The following PRIM2 variants were observed in gnomAD, a reference collection of about 807,000 sequenced individuals.
The protein encoded by PRIM2 is DNA primase large subunit.
A neutral mutation model predicts 67.3 loss-of-function variants in PRIM2; 39 were observed. The observed-to-expected ratio is 0.58, with a 90% CI of 0.45 to 0.76. The LOEUF (loss-of-function observed/expected upper bound fraction) is 0.76. Among genes scored for constraint, PRIM2 ranks in the 30% least tolerant of loss-of-function variants. PRIM2 has a pLI of 0.00. For synonymous variants in PRIM2, 143 were observed against 198.7 expected, an observed-to-expected ratio of 0.72 and a Z score of 2.36; for missense variants, 398 against 598.7, an observed-to-expected ratio of 0.66 and a Z score of 3.50.
the PRIM2 span, among the ~76,000 whole-genome samples, chr6:57,277,870 G>C: frequency 6.6e-6 from 1 of 151,950 alleles, no homozygotes; most frequent in African/African-American, 2.4e-5. Flanking sequence ...TGTAGTCCCA[G>C]CTACTCAGGA....
At chr6:57,340,097 A>T (rs1270876928) in intron 5 of PRIM2, among the ~76,000 whole-genome samples, 1 of 152,220 alleles carries the variant, frequency 6.6e-6, no homozygotes, top group African/African-American at 2.4e-5. Flanking sequence ...CAAAAAACAC[A>T]TGAAAAAATG....
chr6:57,310,058 A>G (rs1042215073), upstream of PRIM2, among the ~76,000 whole-genome samples: 3 of 152,134 alleles, frequency 2.0e-5, no homozygotes, highest in Non-Finnish European at 4.4e-5. Context: ...ACAAAGGGCT[A>G]ATATCCAGAA....
chr6:57,311,771 A>C (rs1361469768), upstream of PRIM2, among the ~76,000 whole-genome samples: 1 of 152,100 alleles, frequency 6.6e-6, no homozygotes, highest in East Asian at 1.9e-4. Context: ...CTCCGTCTGC[A>C]ATCCCAGCAC....
chr6:57,399,913 G>T (rs1426958384), intron 7 of PRIM2, among the ~76,000 whole-genome samples: 2 of 152,112 alleles, frequency 1.3e-5, no homozygotes, highest in African/African-American at 4.8e-5. Context: ...TTGTAAATTT[G>T]TTTGAGTTCA....
rs866239338 is a variant in PRIM2, at chr6:57,368,630, C to T, written c.460-11271C>T. ...TACAACATATATTTTTAGTCTCATCCGTTCCACATTTTGGGGATGGGTATG... is the reference window on the plus strand; with the variant it reads ...TACAACATATATTTTTAGTCTCATCTGTTCCACATTTTGGGGATGGGTATG... On this transcript the variant is annotated intron_variant, in intron 5 of 13. Transcript: ENST00000615550. Among the ~76,000 whole-genome samples, 24 of 152,160 alleles carry T rather than the reference C, an allele frequency of 1.6e-4. No individual in the cohort carries two copies. In the Middle Eastern group the frequency reaches 0.01, roughly 65 times the overall value.
At chr6:57,242,682 TAGTAAC>T in the PRIM2 span, among the ~76,000 whole-genome samples, 1 of 152,198 alleles carries the variant, frequency 6.6e-6, no homozygotes, top group Non-Finnish European at 1.5e-5. Context: ...AGAGGAAGAT[TAGTAAC>T]ATATCATGTG....
chr6:57,290,515 T>C, the PRIM2 span, among the ~76,000 whole-genome samples: 10 of 152,200 alleles, frequency 6.6e-5, no homozygotes, highest in Non-Finnish European at 1.3e-4. Context: ...CTAATAGACA[T>C]CTGTAGAACT....
intron 10 of PRIM2, among the ~76,000 whole-genome samples, chr6:57,545,937 A>G (rs1305616180): frequency 4.6e-4 from 70 of 152,198 alleles, no homozygotes; most frequent in South Asian, 8.3e-4. Flanking sequence ...CTGGAGACAT[A>G]GATCTTTTAG....
chr6:57,338,779 C>T (rs1768364340), intron 5 of PRIM2, among the ~76,000 whole-genome samples: 1 of 132,866 alleles, frequency 7.5e-6, no homozygotes. Flanking sequence ...GAAGCATTCC[C>T]TTTGAAAACT....
upstream of PRIM2, among the ~76,000 whole-genome samples, chr6:57,313,848 CACTT>C (rs761496293): frequency 1.5e-4 from 23 of 152,346 alleles, no homozygotes; most frequent in Non-Finnish European, 2.2e-4. Flanking sequence ...AATGAACACT[CACTT>C]AGATTTACCA....
At chr6:57,326,575 G>A (rs1767867064) in intron 5 of PRIM2, among the ~76,000 whole-genome samples, 2 of 151,994 alleles carry the variant, frequency 1.3e-5, no homozygotes, top group African/African-American at 4.8e-5. Context: ...ACAAAAATTA[G>A]CCAGGCATGG....
At chr6:57,553,586 CT>C (rs1364369743) in intron 10 of PRIM2, among the ~76,000 whole-genome samples, 1 of 151,458 alleles carries the variant, frequency 6.6e-6, no homozygotes, top group African/African-American at 2.4e-5. Context: ...AAGGTGGACT[CT>C]TTTTTTTGCC....
At chr6:57,465,463 G>A (rs1237399253) in intron 7 of PRIM2, among the ~76,000 whole-genome samples, 1 of 152,144 alleles carries the variant, frequency 6.6e-6, no homozygotes, top group Non-Finnish European at 1.5e-5. Flanking sequence ...AGACTCTAGG[G>A]TTGTGGTTTC....
chr6:57,626,431 T>G (rs1462326212), intron 12 of PRIM2, among the ~76,000 whole-genome samples: 3 of 152,146 alleles, frequency 2.0e-5, no homozygotes, highest in Non-Finnish European at 4.4e-5. Context: ...ACTGATTAAA[T>G]TAGAAAAATA....
chr6:57,311,896 G>A (rs919112869), upstream of PRIM2, among the ~76,000 whole-genome samples: 1 of 151,914 alleles, frequency 6.6e-6, no homozygotes, highest in African/African-American at 2.4e-5. Context: ...GAGTGGCGGC[G>A]CGTGCCTGGC....
chr6:57,537,762 C>A (rs1339506096), intron 10 of PRIM2, 137 bp downstream of exon 10: 26 of 471,468 alleles, frequency 5.5e-5, no homozygotes, highest in Non-Finnish European at 8.6e-5. Context: ...GTTGACAATT[C>A]AGTTTAGATA....
the PRIM2 span, among the ~76,000 whole-genome samples, chr6:57,299,634 T>A: frequency 1.3e-5 from 2 of 152,282 alleles, no homozygotes; most frequent in East Asian, 3.9e-4. Flanking sequence ...TTGAAACCAA[T>A]GAAGAATTGA....
chr6:57,322,482 A>G (rs4715652), intron 3 of PRIM2, among the ~76,000 whole-genome samples: 126,676 of 152,012 alleles, frequency 0.83, 52,940 homozygotes, highest in East Asian at 0.99. Flanking sequence ...CCATGCTGCT[A>G]TTCTAGATAG....
At chr6:57,510,976 A>G (rs1774354779) in intron 8 of PRIM2, among the ~76,000 whole-genome samples, 1 of 152,122 alleles carries the variant, frequency 6.6e-6, no homozygotes, top group South Asian at 2.1e-4. Context: ...TGATACCGAG[A>G]TCATTATTAG....
Sources: gnomAD v4.1 joint callset for allele counts (sites outside exome capture counted in the v4.1 genomes callset) on GRCh38, gnomAD v4.1.1 for gene constraint, MANE v1.5 for transcripts, NCBI Gene and HGNC (gene_info 2026-07-23, HGNC 2026-07-21) for gene names.